Variants in SRD5A2 observed in about 807,000 individuals in gnomAD.
SRD5A2 encodes the protein steroid 5 alpha-reductase 2, also known as 3-oxo-5-alpha-steroid 4-dehydrogenase 2.
In SRD5A2, 30 loss-of-function variants were observed where a neutral mutation model predicts 27.4. The observed-to-expected ratio is 1.10, with a 90% CI of 0.82 to 1.49. SRD5A2 has a LOEUF of 1.49. SRD5A2 is among the 40% of genes most tolerant of loss of function. The probability of loss-of-function intolerance (pLI) is 0.00; values close to 1 mark genes in which losing one functional copy is unlikely to be tolerated. For synonymous variants in SRD5A2, 141 were observed against 133.6 expected, an observed-to-expected ratio of 1.06 and a Z score of -0.38; for missense variants, 348 against 323.4, an observed-to-expected ratio of 1.08 and a Z score of -0.58.
the SRD5A2 span, among the ~76,000 whole-genome samples, chr2:31,645,140 C>G: frequency 6.6e-6 from 1 of 151,994 alleles, no homozygotes; most frequent in Non-Finnish European, 1.5e-5. Context: ...TTTTGAGCCA[C>G]GTGTTTCAAG....
the SRD5A2 span, among the ~76,000 whole-genome samples, chr2:31,618,623 A>T: frequency 6.6e-6 from 1 of 152,158 alleles, no homozygotes; most frequent in East Asian, 1.9e-4. Context: ...AATCTAAAAA[A>T]ATCAATCTCA....
At chr2:31,563,340 T>C (rs1168869466) in intron 1 of SRD5A2, 1 of 151,316 alleles carries the variant, frequency 6.6e-6, no homozygotes, top group African/African-American at 2.4e-5. Flanking sequence ...CTGCTTCCAG[T>C]CAAGGAGGAA....
intron 1 of SRD5A2, among the ~76,000 whole-genome samples, chr2:31,548,463 A>G (rs1666310320): frequency 6.6e-6 from 1 of 152,234 alleles, no homozygotes; most frequent in African/African-American, 2.4e-5. Context: ...CAAATGGCCC[A>G]TAAGAACCTG....
chr2:31,537,850 C>A (rs1314612619), intron 1 of SRD5A2, among the ~76,000 whole-genome samples: 1 of 152,090 alleles, frequency 6.6e-6, no homozygotes, highest in African/African-American at 2.4e-5. Context: ...ATAAATAGGA[C>A]TTGAGGGAGT....
the SRD5A2 span, among the ~76,000 whole-genome samples, chr2:31,627,435 T>G: frequency 9.4e-5 from 14 of 149,692 alleles, no homozygotes; most frequent in African/African-American, 2.2e-4. Flanking sequence ...TGTACGGGGG[T>G]GTGTGTGTGT....
At chr2:31,591,155 C>A in the SRD5A2 span, among the ~76,000 whole-genome samples, 1 of 152,178 alleles carries the variant, frequency 6.6e-6, no homozygotes, top group Non-Finnish European at 1.5e-5. Flanking sequence ...AGGCAACATA[C>A]AGAATGGGAG....
At chr2:31,658,711 A>G in the SRD5A2 span, among the ~76,000 whole-genome samples, 1 of 152,090 alleles carries the variant, frequency 6.6e-6, no homozygotes, top group Non-Finnish European at 1.5e-5. Context: ...GAGCTCTGAA[A>G]TTGAATCAGT....
intron 1 of SRD5A2, among the ~76,000 whole-genome samples, chr2:31,567,565 C>T (rs1178188996): frequency 2.0e-5 from 3 of 151,888 alleles, no homozygotes; most frequent in Non-Finnish European, 2.9e-5. Flanking sequence ...AAAGGTTCTT[C>T]ATACCCTTTG....
At chr2:31,624,369 T>A in the SRD5A2 span, among the ~76,000 whole-genome samples, 2 of 152,104 alleles carry the variant, frequency 1.3e-5, no homozygotes, top group Non-Finnish European at 2.9e-5. Context: ...TTAATTATTA[T>A]TTTTTTAATT....
intron 1 of SRD5A2, among the ~76,000 whole-genome samples, chr2:31,534,483 C>G (rs1261148169): frequency 6.6e-6 from 1 of 152,186 alleles, no homozygotes; most frequent in South Asian, 2.1e-4. Flanking sequence ...CCAGAAAACA[C>G]TTTCCTAAAC....
the SRD5A2 span, among the ~76,000 whole-genome samples, chr2:31,594,392 G>T: frequency 1.3e-5 from 2 of 152,054 alleles, no homozygotes; most frequent in African/African-American, 4.8e-5. Context: ...AAAGCGAGCA[G>T]GATTAGCTAT....
the SRD5A2 span, among the ~76,000 whole-genome samples, chr2:31,597,644 C>T: frequency 3.9e-5 from 6 of 151,952 alleles, no homozygotes; most frequent in African/African-American, 1.4e-4. Flanking sequence ...GGGCTAAGGA[C>T]ATGATTAGAC....
the SRD5A2 span, among the ~76,000 whole-genome samples, chr2:31,601,166 T>C: frequency 6.6e-6 from 1 of 151,396 alleles, no homozygotes; most frequent in Non-Finnish European, 1.5e-5. Flanking sequence ...ATAAAATAAA[T>C]AGGTCACTAG....
the SRD5A2 span, among the ~76,000 whole-genome samples, chr2:31,589,726 A>G: frequency 6.6e-6 from 1 of 151,742 alleles, no homozygotes; most frequent in East Asian, 1.9e-4. Context: ...CTGAGTACGA[A>G]TTTTCCTGTG....
chr2:31,628,789 G>A, the SRD5A2 span, among the ~76,000 whole-genome samples: 1 of 152,108 alleles, frequency 6.6e-6, no homozygotes, highest in Non-Finnish European at 1.5e-5. Flanking sequence ...CTGGCTTGTA[G>A]GGTTTCTGCT....
intron 1 of SRD5A2, among the ~76,000 whole-genome samples, chr2:31,561,950 T>C (rs1227961834): frequency 1.3e-5 from 2 of 152,176 alleles, no homozygotes; most frequent in Non-Finnish European, 2.9e-5. Flanking sequence ...GAAACAACAG[T>C]TGCTCAGCCA....
At chr2:31,581,083 C>T, upstream of SRD5A2, 1 of 640,406 alleles carries the variant, frequency 1.6e-6, no homozygotes, top group Non-Finnish European at 2.6e-6. Flanking sequence ...ACCCCTTTCT[C>T]AAGGATGCAG....
the SRD5A2 span, among the ~76,000 whole-genome samples, chr2:31,638,143 T>C: frequency 4.6e-5 from 7 of 152,122 alleles, no homozygotes; most frequent in Non-Finnish European, 7.4e-5. Flanking sequence ...TTTTATTTAT[T>C]TCAAGAAATT....
At chr2:31,589,983 C>A in the SRD5A2 span, among the ~76,000 whole-genome samples, 4 of 152,090 alleles carry the variant, frequency 2.6e-5, no homozygotes, top group Non-Finnish European at 5.9e-5. Flanking sequence ...TGAGGCCCGT[C>A]ACTGCCTGTT....
Sources: gnomAD v4.1 joint callset for allele counts (sites outside exome capture counted in the v4.1 genomes callset) on GRCh38, gnomAD v4.1.1 for gene constraint, MANE v1.5 for transcripts, NCBI Gene and HGNC (gene_info 2026-07-23, HGNC 2026-07-21) for gene names.